Variants in SNTB1 observed in about 807,000 individuals in gnomAD.
SNTB1 encodes the protein syntrophin beta 1, also known as beta-1-syntrophin.
A neutral mutation model predicts 48.9 loss-of-function variants in SNTB1; 36 were observed. The ratio of observed to expected loss-of-function variants is 0.74; its 90% confidence interval spans 0.56 to 0.97. The LOEUF is 0.97. SNTB1 is among the 50% of genes least tolerant of loss of function. The pLI is 0.00. For missense variants in SNTB1, 786 were observed against 703.4 expected (o/e 1.12, Z -1.33); for synonymous variants, 299 against 294.6 (o/e 1.01, Z -0.15).
At chr8:120,676,373 T>C (rs1817833864) in intron 2 of SNTB1, among the ~76,000 whole-genome samples, 1 of 152,212 alleles carries the variant, frequency 6.6e-6, no homozygotes, top group Non-Finnish European at 1.5e-5. Flanking sequence ...GTAGATCTTA[T>C]TATGCCCATT....
chr8:120,567,833 A>G (rs1483948150), intron 4 of SNTB1, among the ~76,000 whole-genome samples: 1 of 152,186 alleles, frequency 6.6e-6, no homozygotes, highest in Non-Finnish European at 1.5e-5. Context: ...AAATTACACC[A>G]TACCTTTATG....
chr8:120,690,284 A>G (rs181740106), intron 2 of SNTB1, among the ~76,000 whole-genome samples: 55 of 152,286 alleles, frequency 3.6e-4, no homozygotes, highest in Admixed American at 3.1e-3. Context: ...TCAGGCATCT[A>G]TTGGGGGTCC....
chr8:120,730,890 CAT>C (rs1218474202), intron 1 of SNTB1, among the ~76,000 whole-genome samples: 1 of 152,036 alleles, frequency 6.6e-6, no homozygotes, highest in Non-Finnish European at 1.5e-5. Context: ...GAGGCCGAGA[CAT>C]GTGGATCAGT....
chr8:120,679,500 G>A (rs1488862635), intron 2 of SNTB1, among the ~76,000 whole-genome samples: 3 of 152,144 alleles, frequency 2.0e-5, no homozygotes, highest in Non-Finnish European at 4.4e-5. Flanking sequence ...GTGTGTGGCC[G>A]ACTATGGCTC....
At position 120,811,523 on chromosome 8, in the gene SNTB1, C is replaced by G. The variant is rs139846471; in HGVS notation, c.321G>C (p.Ser107=). The G allele has an allele frequency of 3.1e-6, 5 of 1,612,216 alleles. No individual in the cohort carries two copies. The highest frequency in any genetic ancestry group is 1.3e-5 in the African/African-American group (1 of 74,868). The part of the protein sequence containing the change: ...DLPEQVPESI[S]NQKRGVKVLK... ...GCACCTTCACGCCACGCTTCTGGTT[C>G]GAGATGGACTCGGGCACCTGCTCGG... Residue 107 remains serine, a synonymous_variant, in exon 1 of 7, where the codon TCG becomes TCC. Transcript: ENST00000517992.
At chr8:120,672,291 T>C (rs1817771552) in intron 2 of SNTB1, among the ~76,000 whole-genome samples, 1 of 152,234 alleles carries the variant, frequency 6.6e-6, no homozygotes, top group South Asian at 2.1e-4. Context: ...CTGTGTTACT[T>C]ATTGAAAATA....
Position 120,588,149 on chromosome 8 carries a change from C to T in SNTB1, c.997-12924G>A, listed in dbSNP as rs1346015975. Among the ~76,000 whole-genome samples, 6 of 152,054 alleles carry T rather than the reference C, an allele frequency of 3.9e-5. No homozygotes were observed. In the East Asian group the frequency reaches 1.2e-3, roughly 29 times the overall value. Reference sequence around the variant, plus strand: ...AAAGGTGGGGTGTGTTTGTGGGCTTCCTTGTCTACTTTCTCATTTTATTGT... The same window carrying T: ...AAAGGTGGGGTGTGTTTGTGGGCTTTCTTGTCTACTTTCTCATTTTATTGT... On this transcript the variant is annotated intron_variant, in intron 3 of 6. Coordinates refer to ENST00000517992, the MANE Select transcript of SNTB1 (RefSeq NM_021021.4).
At chr8:120,771,840 GTTTTA>G (rs752827153) in intron 1 of SNTB1, among the ~76,000 whole-genome samples, 7 of 151,904 alleles carry the variant, frequency 4.6e-5, no homozygotes, top group Non-Finnish European at 7.4e-5. Context: ...TTTTGTATCT[GTTTTA>G]TTTTATTTTA....
At chr8:120,622,015 A>G (rs1377540643) in intron 3 of SNTB1, among the ~76,000 whole-genome samples, 2 of 152,208 alleles carry the variant, frequency 1.3e-5, no homozygotes, top group Non-Finnish European at 2.9e-5. Flanking sequence ...GCATTCAACA[A>G]ACGTTAAGTT....
intron 3 of SNTB1, among the ~76,000 whole-genome samples, chr8:120,604,169 G>C (rs890899700): frequency 2.0e-5 from 3 of 152,178 alleles, no homozygotes; most frequent in African/African-American, 7.2e-5. Context: ...ACTGAGCCAG[G>C]CCTCCTGGGA....
At chr8:120,653,836 G>A (rs1402581684) in intron 2 of SNTB1, among the ~76,000 whole-genome samples, 1 of 151,456 alleles carries the variant, frequency 6.6e-6, no homozygotes, top group Non-Finnish European at 1.5e-5. Context: ...TCAGGAGATC[G>A]AGACCATCCT....
intron 4 of SNTB1, among the ~76,000 whole-genome samples, chr8:120,560,741 C>A (rs750799444): frequency 1.3e-5 from 2 of 152,176 alleles, no homozygotes; most frequent in African/African-American, 4.8e-5. Flanking sequence ...CCTGCCACGA[C>A]CATCTGCCAG....
intron 3 of SNTB1, among the ~76,000 whole-genome samples, chr8:120,611,240 AG>A (rs1816617454): frequency 6.6e-6 from 1 of 152,214 alleles, no homozygotes; most frequent in African/African-American, 2.4e-5. Context: ...ATCTCTGTTC[AG>A]GGTCACTTTT....
At position 120,632,474 on chromosome 8, in the gene SNTB1, C is replaced by G. The variant is rs769687678; in HGVS notation, c.966G>C (p.Glu322Asp). The G allele has an allele frequency of 3.1e-6, 5 of 1,614,010 alleles. No homozygotes were observed. In the African/African-American group the frequency reaches 5.3e-5, roughly 17 times the overall value. Reference protein sequence around the residue: ...LGKTGIAGSREIRHLGWLAEK... With the variant: ...LGKTGIAGSRDIRHLGWLAEK... ...CTGCAAGCCAGCCAAGATGCCTAAT[C>G]TCTCGGCTCCCAGCAATGCCTGTTT... The change falls in exon 3 of 7, where the codon GAG becomes GAC. Residue 322 changes from glutamate (E) to aspartate (D), a missense_variant. Physicochemically the swap from Glu to Asp is conservative, Grantham distance 45. Transcript: ENST00000517992.
chr8:120,734,270 T>C (rs35216013), intron 1 of SNTB1, among the ~76,000 whole-genome samples: 20,067 of 151,652 alleles, frequency 0.13, 1,747 homozygotes, highest in African/African-American at 0.24. Flanking sequence ...ATGGTGAAAA[T>C]CTGTCTCTAC....
chr8:120,595,545 C>A (rs1026377185), intron 3 of SNTB1, among the ~76,000 whole-genome samples: 4 of 152,032 alleles, frequency 2.6e-5, no homozygotes, highest in Non-Finnish European at 5.9e-5. Context: ...GCCCTAGGGG[C>A]TGCTCTGTCT....
chr8:120,771,736 G>C (rs1017303959), intron 1 of SNTB1, among the ~76,000 whole-genome samples: 5 of 151,084 alleles, frequency 3.3e-5, no homozygotes, highest in African/African-American at 1.2e-4. Flanking sequence ...TTTACATCAA[G>C]CTCTCTGAGC....
chr8:120,541,925 T>A lies in SNTB1; in HGVS notation c.1409A>T (p.Gln470Leu), dbSNP rs150562250. Residue 470 changes from glutamine (Q) to leucine (L), a missense_variant, in exon 6 of 7, where the codon CAG (glutamine) becomes CTG (leucine). By Grantham distance (113) the Gln-to-Leu change is moderately radical. Transcript: ENST00000517992. ...ENGFSITTEPQEGAFPKTIIQ... is the reference protein window; with the variant it reads ...ENGFSITTEPLEGAFPKTIIQ... ...GATGGTCTTGGGAAAGGCACCCTCC[T>A]GTGGTTCAGTGGTAATAGAAAATCC... 2 of 1,614,024 alleles carry A rather than the reference T, an allele frequency of 1.2e-6. No individual in the cohort carries two copies. Among genetic ancestry groups the A allele is most frequent in the African/African-American group, 1.3e-5 (1 of 75,038 alleles).
intron 4 of SNTB1, among the ~76,000 whole-genome samples, chr8:120,555,704 A>T (rs937779048): frequency 7.2e-5 from 11 of 152,164 alleles, no homozygotes; most frequent in Non-Finnish European, 2.9e-5. Context: ...CTATCTGCCT[A>T]AATAATTCCT....
Sources: gnomAD v4.1 joint callset for allele counts (sites outside exome capture counted in the v4.1 genomes callset) on GRCh38, gnomAD v4.1.1 for gene constraint, MANE v1.5 for transcripts, NCBI Gene and HGNC (gene_info 2026-07-23, HGNC 2026-07-21) for gene names.